The following RBMS1 variants were observed in gnomAD, a reference collection of about 807,000 sequenced individuals.
RBMS1 encodes the protein RNA-binding motif, single-stranded-interacting protein 1.
A neutral mutation model predicts 62.3 loss-of-function variants in RBMS1; 17 were observed. That is an observed-to-expected ratio of 0.27 (90% CI 0.19 to 0.41). RBMS1 has a LOEUF of 0.41. RBMS1 is among the 10% of genes least tolerant of loss of function. The pLI is 1.00. For missense variants in RBMS1, 334 were observed against 504.5 expected (o/e 0.66, Z 3.24); for synonymous variants, 172 against 170.0 (o/e 1.01, Z -0.09).
chr2:160,487,821 A>G (rs1196322936), intron 1 of RBMS1, among the ~76,000 whole-genome samples: 1 of 152,232 alleles, frequency 6.6e-6, no homozygotes, highest in Non-Finnish European at 1.5e-5. Flanking sequence ...GAGAATAACA[A>G]TGCTTAATTT....
intron 1 of RBMS1, among the ~76,000 whole-genome samples, chr2:160,483,833 C>A (rs1242265256): frequency 1.3e-5 from 2 of 152,188 alleles, no homozygotes; most frequent in Non-Finnish European, 2.9e-5. Context: ...GTATGGACCT[C>A]ATGCCACCCA....
At chr2:160,388,441 A>T (rs1022022451) in intron 1 of RBMS1, among the ~76,000 whole-genome samples, 3 of 152,148 alleles carry the variant, frequency 2.0e-5, no homozygotes, top group Non-Finnish European at 4.4e-5. Flanking sequence ...TAAAACCAAG[A>T]CAGCAAGTCT....
chr2:160,390,495 A>AGT (rs1694800526), intron 1 of RBMS1, among the ~76,000 whole-genome samples: 1 of 152,176 alleles, frequency 6.6e-6, no homozygotes, highest in South Asian at 2.1e-4. Flanking sequence ...GTTTGAGATC[A>AGT]GTGTGGGCAG....
intron 1 of RBMS1, among the ~76,000 whole-genome samples, chr2:160,486,125 G>C (rs1040944260): frequency 1.3e-5 from 2 of 152,128 alleles, no homozygotes; most frequent in African/African-American, 4.8e-5. Flanking sequence ...GGAGGGTTTA[G>C]GGGTTCTCCA....
intron 2 of RBMS1, among the ~76,000 whole-genome samples, chr2:160,324,275 ACAC>A (rs1276802755): frequency 3.9e-5 from 6 of 152,202 alleles, no homozygotes; most frequent in Non-Finnish European, 5.9e-5. Flanking sequence ...ACACACACAC[ACAC>A]AATTTTCCTG....
intron 2 of RBMS1, among the ~76,000 whole-genome samples, chr2:160,330,524 A>G (rs1041854279): frequency 1.3e-5 from 2 of 152,184 alleles, no homozygotes; most frequent in Non-Finnish European, 2.9e-5. Flanking sequence ...AATAACATTC[A>G]CTAGGGAAAA....
chr2:160,317,975 T>G (rs1241229744), intron 3 of RBMS1, among the ~76,000 whole-genome samples, 194 bp downstream of exon 3: 1 of 152,024 alleles, frequency 6.6e-6, no homozygotes, highest in Admixed American at 6.6e-5. Context: ...CTAGCTGCTG[T>G]TGGGTTTGTA....
chr2:160,349,995 G>T (rs1405099808), intron 2 of RBMS1, among the ~76,000 whole-genome samples: 1 of 151,998 alleles, frequency 6.6e-6, no homozygotes, highest in Non-Finnish European at 1.5e-5. Flanking sequence ...AGCAGTGCAG[G>T]CAGAGGAGGA....
intron 2 of RBMS1, among the ~76,000 whole-genome samples, chr2:160,338,016 C>T (rs1036243603): frequency 2.0e-5 from 3 of 152,142 alleles, no homozygotes; most frequent in African/African-American, 4.8e-5. Context: ...AGTTAGCATA[C>T]AACAGCAGAC....
intron 1 of RBMS1, among the ~76,000 whole-genome samples, chr2:160,431,527 G>T (rs1004396716): frequency 1.7e-4 from 26 of 152,118 alleles, no homozygotes; most frequent in African/African-American, 6.3e-4. Context: ...TCTTCTACTT[G>T]ATACCTTCCA....
chr2:160,305,721 A>T (rs1689467297), intron 4 of RBMS1, among the ~76,000 whole-genome samples: 1 of 152,164 alleles, frequency 6.6e-6, no homozygotes, highest in Admixed American at 6.5e-5. Context: ...ATATGATCAA[A>T]CCCATCTTAG....
intron 1 of RBMS1, among the ~76,000 whole-genome samples, chr2:160,486,925 T>C (rs1030881819): frequency 5.3e-5 from 8 of 152,204 alleles, no homozygotes; most frequent in Non-Finnish European, 1.0e-4. Flanking sequence ...ATCAAAGTTA[T>C]ATTTCTGTAT....
chr2:160,432,998 G>C (rs545905106), intron 1 of RBMS1, among the ~76,000 whole-genome samples: 2 of 152,246 alleles, frequency 1.3e-5, no homozygotes, highest in Admixed American at 1.3e-4. Context: ...CATCCTGTTG[G>C]ATCCAGCAAG....
chr2:160,318,302 G>A, intron 2 of RBMS1, 75 bp from the exon 3 acceptor site: 2 of 1,440,708 alleles, frequency 1.4e-6, no homozygotes, highest in South Asian at 2.8e-5. Context: ...CCTTATTAAT[G>A]CCTAAATCCA....
chr2:160,419,091 C>T (rs1050530350), intron 1 of RBMS1, among the ~76,000 whole-genome samples: 5 of 152,104 alleles, frequency 3.3e-5, no homozygotes, highest in Non-Finnish European at 7.4e-5. Flanking sequence ...TAATTAATCA[C>T]GGTTAATTCA....
chr2:160,359,874 C>T (rs781299014), intron 2 of RBMS1, among the ~76,000 whole-genome samples: 6 of 152,162 alleles, frequency 3.9e-5, no homozygotes, highest in Non-Finnish European at 5.9e-5. Context: ...TGGAGATGTA[C>T]AAATAATGAA....
intron 1 of RBMS1, among the ~76,000 whole-genome samples, chr2:160,385,391 AGAG>A: frequency 6.6e-6 from 1 of 152,308 alleles, no homozygotes; most frequent in Non-Finnish European, 1.5e-5. Flanking sequence ...AAAATAAAAA[AGAG>A]AGAGAGAAAG....
chr2:160,424,381 CAAAA>C (rs1696563512), intron 1 of RBMS1, among the ~76,000 whole-genome samples: 1 of 134,798 alleles, frequency 7.4e-6, no homozygotes, highest in South Asian at 2.4e-4. Context: ...GGGGGGGAAA[CAAAA>C]AGAAAGATGT....
intron 1 of RBMS1, among the ~76,000 whole-genome samples, chr2:160,438,405 G>A (rs565948789): frequency 7.0e-4 from 106 of 151,818 alleles, no homozygotes; most frequent in African/African-American, 2.4e-3. Context: ...AGGACCCTGC[G>A]GCCTTCCGCA....
Sources: allele counts gnomAD v4.1 joint callset (sites outside exome capture counted in the v4.1 genomes callset), GRCh38; gene constraint gnomAD v4.1.1; transcripts MANE v1.5; gene names NCBI Gene and HGNC (gene_info 2026-07-23, HGNC 2026-07-21).